INSL6: variants seen among roughly 807,000 people sequenced by gnomAD.
The protein encoded by INSL6 is insulin like 6.
Under a neutral mutation model 9.4 loss-of-function variants are expected in INSL6, and 16 were observed. The ratio of observed to expected loss-of-function variants is 1.70; its 90% CI spans 1.15 to 2.59. INSL6 has a LOEUF of 2.59. Among genes scored for constraint, INSL6 ranks in the 30% most tolerant of loss-of-function variants. The pLI, the probability that INSL6 is intolerant of heterozygous loss-of-function variation, is 0.00. For missense variants in INSL6, 391 were observed against 257.3 expected, an observed-to-expected ratio of 1.52 and a Z score of -3.56; for synonymous variants, 154 against 96.9, an observed-to-expected ratio of 1.59 and a Z score of -3.46.
the INSL6 span, among the ~76,000 whole-genome samples, chr9:5,045,268 T>C: frequency 1.3e-5 from 2 of 152,150 alleles, no homozygotes; most frequent in Non-Finnish European, 1.5e-5. Flanking sequence ...TTTGCTAATA[T>C]TGTAGGAAAC....
chr9:5,055,582 T>A, the INSL6 span: 1 of 1,050,684 alleles, frequency 9.5e-7, no homozygotes. Context: ...TTAAAGAATT[T>A]GGAAAGAATG....
chr9:5,027,298 G>T, the INSL6 span, among the ~76,000 whole-genome samples: 2 of 152,212 alleles, frequency 1.3e-5, no homozygotes, highest in Middle Eastern at 6.3e-3. Flanking sequence ...AGGTTTCCCA[G>T]TGCATATAAA....
At chr9:5,031,087 G>C in the INSL6 span, among the ~76,000 whole-genome samples, 1 of 151,978 alleles carries the variant, frequency 6.6e-6, no homozygotes, top group South Asian at 2.1e-4. Context: ...AGAATATGAA[G>C]AATTAGGACA....
At chr9:5,036,194 G>C in the INSL6 span, among the ~76,000 whole-genome samples, 7 of 152,252 alleles carry the variant, frequency 4.6e-5, no homozygotes, top group South Asian at 8.3e-4. Flanking sequence ...TCTTCAAGGA[G>C]AACTACAAAC....
chr9:5,012,863 G>A, the INSL6 span, among the ~76,000 whole-genome samples: 2 of 152,096 alleles, frequency 1.3e-5, no homozygotes, highest in Non-Finnish European at 2.9e-5. Context: ...ATATGAGGGT[G>A]GCTCCTGTGG....
the INSL6 span, among the ~76,000 whole-genome samples, chr9:5,104,234 C>A: frequency 6.6e-6 from 1 of 152,098 alleles, no homozygotes; most frequent in Non-Finnish European, 1.5e-5. Flanking sequence ...AAGGGGATAT[C>A]ACCACCGATC....
chr9:5,032,129 G>A, the INSL6 span, among the ~76,000 whole-genome samples: 26 of 152,342 alleles, frequency 1.7e-4, no homozygotes, highest in Middle Eastern at 3.4e-3. Context: ...AGGGTCCTAC[G>A]CCCACGGAGC....
chr9:5,071,785 G>A, the INSL6 span, among the ~76,000 whole-genome samples: 2 of 152,120 alleles, frequency 1.3e-5, no homozygotes, highest in African/African-American at 4.8e-5. Flanking sequence ...AGAGTGGCCA[G>A]GTAACTTGAC....
At chr9:5,066,747 T>C in the INSL6 span, 2,207 of 1,580,522 alleles carry the variant, frequency 1.4e-3, 37 homozygotes, top group African/African-American at 0.027. Context: ...TTCGATGCAG[T>C]CCTAAGGACT....
chr9:5,104,770 A>G, the INSL6 span, among the ~76,000 whole-genome samples: 12 of 152,218 alleles, frequency 7.9e-5, no homozygotes, highest in Non-Finnish European at 1.8e-4. Flanking sequence ...AAATCAATAA[A>G]CGTAATCCAT....
chr9:5,033,790 C>G, the INSL6 span, among the ~76,000 whole-genome samples: 1 of 152,118 alleles, frequency 6.6e-6, no homozygotes, highest in African/African-American at 2.4e-5. Flanking sequence ...AAAAACACGC[C>G]AAATTGTAAA....
chr9:5,126,496 T>C, intron 3 of INSL6: 1 of 1,282,556 alleles, frequency 7.8e-7, no homozygotes, highest in East Asian at 2.3e-5. Flanking sequence ...CTTTTACTTT[T>C]TACTCAAGGA....
chr9:5,158,341 GGTTA>G (rs975148876), intron 2 of INSL6, among the ~76,000 whole-genome samples: 35 of 151,656 alleles, frequency 2.3e-4, no homozygotes, highest in African/African-American at 8.0e-4. Flanking sequence ...AGTACAAGAA[GGTTA>G]GAGAACACCC....
chr9:5,058,685 A>T, the INSL6 span, among the ~76,000 whole-genome samples: 1 of 152,218 alleles, frequency 6.6e-6, no homozygotes, highest in East Asian at 1.9e-4. Context: ...TACATTCTCC[A>T]CATGCTCATC....
intron 3 of INSL6, among the ~76,000 whole-genome samples, chr9:5,128,728 T>C (rs1586851454): frequency 6.6e-6 from 1 of 151,956 alleles, no homozygotes; most frequent in African/African-American, 2.4e-5. Flanking sequence ...TTCTTTTCAT[T>C]GAGGCTTCGT....
downstream of INSL6, among the ~76,000 whole-genome samples, chr9:5,118,940 C>A (rs922084224): frequency 2.6e-5 from 4 of 152,050 alleles, no homozygotes; most frequent in African/African-American, 9.7e-5. Flanking sequence ...GAAAAGTATA[C>A]CAAAAAGCTT....
chr9:5,118,738 C>T, the INSL6 span, among the ~76,000 whole-genome samples: 1 of 152,144 alleles, frequency 6.6e-6, no homozygotes, highest in Admixed American at 6.5e-5. Context: ...TCATTCATTT[C>T]TATGACGCCT....
the INSL6 span, among the ~76,000 whole-genome samples, chr9:5,053,523 C>T: frequency 6.6e-6 from 1 of 151,864 alleles, no homozygotes; most frequent in African/African-American, 2.4e-5. Flanking sequence ...GTGTCTTGTG[C>T]CATGTGGAAA....
intron 1 of INSL6, among the ~76,000 whole-genome samples, chr9:5,175,143 T>C (rs978778751): frequency 5.3e-5 from 8 of 152,110 alleles, no homozygotes; most frequent in African/African-American, 1.9e-4. Flanking sequence ...GGTTTCAACG[T>C]GTTAGCCAGG....
Sources: gnomAD v4.1 joint callset for allele counts (sites outside exome capture counted in the v4.1 genomes callset) on GRCh38, gnomAD v4.1.1 for gene constraint, MANE v1.5 for transcripts, NCBI Gene and HGNC (gene_info 2026-07-23, HGNC 2026-07-21) for gene names.